PLAGL1: variants seen among roughly 807,000 people sequenced by gnomAD.
The protein encoded by PLAGL1 is PLAG1 like zinc finger 1.
A neutral mutation model predicts 4.6 loss-of-function variants in PLAGL1; 1 was observed. The ratio of observed to expected loss-of-function variants is 0.22; its 90% CI spans 0.08 to 1.03. The LOEUF (loss-of-function observed/expected upper bound fraction) is 1.03, where lower values mean the gene tolerates loss of function less well. PLAGL1 is among the 50% of genes least tolerant of loss of function. The pLI, the probability that PLAGL1 is intolerant of heterozygous loss-of-function variation, is 0.58. For synonymous variants in PLAGL1, 240 were observed against 237.8 expected, an observed-to-expected ratio of 1.01 and a Z score of -0.08; for missense variants, 464 against 570.4, an observed-to-expected ratio of 0.81 and a Z score of 1.90.
intron 7 of PLAGL1, among the ~76,000 whole-genome samples, chr6:143,946,047 G>GA (rs1427269924): frequency 2.0e-5 from 3 of 151,670 alleles, no homozygotes; most frequent in African/African-American, 7.3e-5. Context: ...GGAACATGCG[G>GA]GGTACTGATT....
intron 1 of PLAGL1, among the ~76,000 whole-genome samples, chr6:144,020,922 T>C (rs982921553): frequency 1.0e-4 from 15 of 147,272 alleles, no homozygotes; most frequent in African/African-American, 3.7e-4. Flanking sequence ...AATATAAAAC[T>C]ATAGATATAA....
Position 143,964,463 on chromosome 6 carries a change from G to C in PLAGL1, c.-399+324C>G, listed in dbSNP as rs1371118148. On this transcript the variant is annotated intron_variant, in intron 5 of 7. Transcript: ENST00000674357. This position sits in a 1 kb window ranked among gnomAD's most constrained non-coding sequence, Gnocchi z 4.3. The stretch of plus-strand genomic sequence containing the variant: ...GGGACTGGAGTCCGTTTTCATTATG[G>C]GGAATGAAAACAGTAATGCTTCTTG... 6.6e-6 allele frequency among the ~76,000 whole-genome samples: 1 copy of C among 152,154 alleles called. No individual in the cohort carries two copies. Among genetic ancestry groups the C allele is most frequent in the Non-Finnish European group, 1.5e-5 (1 of 68,026 alleles).
In PLAGL1 at chr6:143,955,406, T is replaced by C. The variant is rs1460163284; in HGVS notation, c.-325+5063A>G. ...ACTCTACAAGGGGAAGGTGGGCTTTTTTGTCATAAATTGTTTTTAGCAGAT... is the reference window on the plus strand; with the variant it reads ...ACTCTACAAGGGGAAGGTGGGCTTTCTTGTCATAAATTGTTTTTAGCAGAT... On this transcript the variant is annotated intron_variant, in intron 6 of 7. Coordinates refer to ENST00000674357, the MANE Select transcript of PLAGL1 (RefSeq NM_001317162.2). This position sits in a 1 kb window ranked among gnomAD's most constrained non-coding sequence, Gnocchi z 4.9. Among the ~76,000 whole-genome samples the C allele has an allele frequency of 2.0e-5, 3 of 152,108 alleles. No homozygotes were observed. The highest frequency in any genetic ancestry group is 4.1e-4 in the South Asian group (2 of 4,822).
intron 1 of PLAGL1, among the ~76,000 whole-genome samples, chr6:144,047,527 C>A (rs1450801177): frequency 6.6e-6 from 1 of 152,048 alleles, no homozygotes; most frequent in East Asian, 1.9e-4. Context: ...ACAATCATGG[C>A]AGAAGGGGAA....
In PLAGL1 at chr6:144,001,183, A is replaced by T. The variant is rs1005892269; in HGVS notation, c.-584+6907T>A. Among the ~76,000 whole-genome samples the T allele has an allele frequency of 2.4e-3, 370 of 152,188 alleles. 3 individuals carry two copies. Among genetic ancestry groups the T allele is most frequent in the African/African-American group, 8.5e-3 (354 of 41,584 alleles). Reference sequence around the variant, plus strand: ...GACAGTAAGGAAATGATAAAAAAAAAAAAATAAAAATTTTTAATGGGGACA... The same window carrying T: ...GACAGTAAGGAAATGATAAAAAAAATAAAATAAAAATTTTTAATGGGGACA... On this transcript the variant is annotated intron_variant, in intron 1 of 7. Coordinates refer to ENST00000674357, the MANE Select transcript of PLAGL1 (RefSeq NM_001317162.2).
rs1798723545 is a variant in PLAGL1 at position 144,053,413 on chromosome 6, C to T, written c.-151+11055G>A. On this transcript the variant is annotated intron_variant, in intron 1 of 3. Coordinates refer to the PLAGL1 transcript ENST00000437412. This position sits in a 1 kb window ranked among gnomAD's most constrained non-coding sequence, Gnocchi z 4.0. ...CCTCCCAAATTGCTGGTGTTACAGG[C>T]GTGAGCCACCACACCCGGCCTAATT... Among the ~76,000 whole-genome samples, 1 of 152,140 alleles carries T rather than the reference C, an allele frequency of 6.6e-6. No individual in the cohort carries two copies. The highest frequency in any genetic ancestry group is 2.1e-4 in the South Asian group (1 of 4,832).
At chr6:144,026,085 A>G (rs1796321554) in intron 1 of PLAGL1, among the ~76,000 whole-genome samples, 1 of 152,240 alleles carries the variant, frequency 6.6e-6, no homozygotes. Flanking sequence ...CCATTCATTC[A>G]TATATTCAAT....
Position 143,942,381 on chromosome 6 carries a change from C to T in PLAGL1, c.435G>A (p.Glu145=). 6.2e-7 allele frequency: 1 copy of T among 1,614,194 alleles called. No individual in the cohort carries two copies. The highest frequency in any genetic ancestry group is 8.5e-7 in the Non-Finnish European group (1 of 1,180,034). ...LLDHLKAHAE[E]KPPSGTKEKK... is the part of the protein sequence containing the mutation. ...TTTCCTTGGTTCCGCTAGGGGGCTT[C>T]TCTTCCGCATGGGCTTTGAGGTGGT... The change falls in exon 8 of 8, where the codon GAG becomes GAA. Residue 145 remains glutamate (E), a synonymous_variant. Transcript: ENST00000674357. This position sits in a 1 kb window ranked among gnomAD's most constrained non-coding sequence, Gnocchi z 7.6.
In PLAGL1 at chr6:143,978,897, G is replaced by A. The variant is rs1330419946; in HGVS notation, c.-544+6238C>T. On this transcript the variant is annotated intron_variant, in intron 2 of 7. Coordinates refer to ENST00000674357, the MANE Select transcript of PLAGL1 (RefSeq NM_001317162.2). The surrounding 1 kb of genome is among the most constrained non-coding windows in gnomAD (Gnocchi z 4.6). ...CTACTTGATCTATTATCTATTGAAG[G>A]AAGGGTGCTGAAATCTGACCACAAT... is the stretch of plus-strand genomic sequence containing the variant. Among the ~76,000 whole-genome samples the A allele has an allele frequency of 1.3e-5, 2 of 152,140 alleles. No individual in the cohort carries two copies. Among genetic ancestry groups the A allele is most frequent in the African/African-American group, 4.8e-5 (2 of 41,436 alleles).
At chr6:144,002,115 T>C (rs192973686) in intron 1 of PLAGL1, among the ~76,000 whole-genome samples, 41 of 152,284 alleles carry the variant, frequency 2.7e-4, no homozygotes, top group Admixed American at 1.6e-3. Flanking sequence ...ATGTAAGATG[T>C]TAACATGAGA....
rs758449950 is a variant in PLAGL1 at position 144,060,380 on chromosome 6, C to A, written c.-151+4088G>T. Among the ~76,000 whole-genome samples, 24 of 152,290 alleles carry A rather than the reference C, an allele frequency of 1.6e-4. 1 individual carries two copies. The highest frequency in any genetic ancestry group is 5.1e-4 in the African/African-American group (21 of 41,572). On this transcript the variant is annotated intron_variant, in intron 1 of 3. Transcript: ENST00000437412. ...CAGCATTTAGCATTTATATTTATTT[C>A]ACCTAGTTGGTTTCCTCATTGCTCC...
chr6:143,941,741 C>T lies in PLAGL1; in HGVS notation c.1075G>A (p.Val359Ile). The change falls in exon 8 of 8, where the codon GTA becomes ATA. Residue 359 changes from valine (V) to isoleucine (I), a missense_variant. This residue lies in a region of PLAGL1 where 248 missense variants were observed against 250.1 expected (regional missense o/e 0.99). Transcript: ENST00000674357. The surrounding 1 kb of genome is among the most constrained non-coding windows in gnomAD (Gnocchi z 6.0). ...GCAGGCAGCTCCTTGGGCAGGTTTA[C>T]TTTACCAGCATTTCCCTTAGCCAGA... ...FDLAKGNAGK[V>I]NLPKELPADA... 1 of 1,614,246 alleles carries T rather than the reference C, an allele frequency of 6.2e-7. No homozygotes were observed.
At position 143,966,963 on chromosome 6, in the gene PLAGL1, AG is replaced by A. The variant is rs772921919; in HGVS notation, c.-471-766del. 5.3e-5 allele frequency: 8 copies of A among 152,212 alleles called. No individual in the cohort carries two copies. The highest frequency in any genetic ancestry group is 2.6e-4 in the Admixed American group (4 of 15,284). The allele number at this position is 152,212 out of a possible 1,614,324, so 9.4% of individuals were successfully genotyped here. On this transcript the variant is annotated intron_variant, in intron 3 of 7. Coordinates refer to ENST00000674357, the MANE Select transcript of PLAGL1 (RefSeq NM_001317162.2). The surrounding 1 kb of genome is among the most constrained non-coding windows in gnomAD (Gnocchi z 6.0). Reference sequence around the variant, plus strand: ...TTTACTCTACCTCAGTCCACTATGCAGCATGCATACTCTACTTAATACTAGG... The same window carrying A: ...TTTACTCTACCTCAGTCCACTATGCACATGCATACTCTACTTAATACTAGG...
rs1041338647 is a variant in PLAGL1, at chr6:143,970,325, G to A, written c.-543-1347C>T. Among the ~76,000 whole-genome samples the A allele has an allele frequency of 1.3e-5, 2 of 152,144 alleles. No individual in the cohort carries two copies. The highest frequency in any genetic ancestry group is 2.9e-5 in the Non-Finnish European group (2 of 68,026). On this transcript the variant is annotated intron_variant, in intron 2 of 7. Transcript: ENST00000674357. This position sits in a 1 kb window ranked among gnomAD's most constrained non-coding sequence, Gnocchi z 5.8. ...CTCACTAAAGAAGGCAATATGTAATGTTGCAAAGTAAACATTTAAACTACT... is the reference window on the plus strand; with the variant it reads ...CTCACTAAAGAAGGCAATATGTAATATTGCAAAGTAAACATTTAAACTACT...
In PLAGL1 at chr6:143,983,759, G is replaced by A. The variant is rs1188977124; in HGVS notation, c.-544+1376C>T. Among the ~76,000 whole-genome samples the A allele has an allele frequency of 3.3e-4, 50 of 152,158 alleles. No homozygotes were observed. The highest frequency in any genetic ancestry group is 3.2e-3 in the Admixed American group (49 of 15,264). ...TGTAAAAGTTGTATGTCTAGGTGGA[G>A]TTAAAAATGTGTTGGAGTGGGAGGA... On this transcript the variant is annotated intron_variant, in intron 2 of 7. Coordinates refer to ENST00000674357, the MANE Select transcript of PLAGL1 (RefSeq NM_001317162.2). The surrounding 1 kb of genome is among the most constrained non-coding windows in gnomAD (Gnocchi z 6.6).
rs1782912942 is a variant in PLAGL1 at position 143,959,590 on chromosome 6, T to A, written c.-325+879A>T. On this transcript the variant is annotated intron_variant, in intron 6 of 7. Coordinates refer to ENST00000674357, the MANE Select transcript of PLAGL1 (RefSeq NM_001317162.2). The surrounding 1 kb of genome is among the most constrained non-coding windows in gnomAD (Gnocchi z 5.3). ...AATACTATTTAATAAACTATTTCAG[T>A]TGAGCTCATAAAGCTCTCTCATGCT... is the stretch of plus-strand genomic sequence containing the variant. 1.3e-5 allele frequency among the ~76,000 whole-genome samples: 2 copies of A among 152,260 alleles called. No individual in the cohort carries two copies. Among genetic ancestry groups the A allele is most frequent in the Admixed American group, 1.3e-4 (2 of 15,292 alleles).
At chr6:144,038,677 A>G (rs1204243672) in intron 1 of PLAGL1, among the ~76,000 whole-genome samples, 1 of 152,252 alleles carries the variant, frequency 6.6e-6, no homozygotes, top group East Asian at 1.9e-4. Context: ...GATACATGCT[A>G]CAACATGGGT....
chr6:143,948,058 A>T lies in PLAGL1; in HGVS notation c.79T>A (p.Ser27Thr), dbSNP rs1331771709. The T allele has an allele frequency of 2.2e-5, 36 of 1,613,858 alleles. No homozygotes were observed. Among genetic ancestry groups the T allele is most frequent in the Non-Finnish European group, 3.0e-5 (35 of 1,179,862 alleles). ...ACACACTTGTACGGCCGCTCCCTGG[A>T]GTGGGAATAATTGTGAATCGTGAAC... is the stretch of plus-strand genomic sequence containing the variant. ...EKFTIHNYSH[S>T]RERPYKCVQP... The change falls in exon 7 of 8, where the codon TCC (serine) becomes ACC (threonine). Residue 27 changes from serine (S) to threonine (T), a missense_variant. By Grantham distance (58) the Ser-to-Thr change is moderately conservative. Transcript: ENST00000674357. This position sits in a 1 kb window ranked among gnomAD's most constrained non-coding sequence, Gnocchi z 6.0.
chr6:143,959,091 C>G lies in PLAGL1; in HGVS notation c.-325+1378G>C, dbSNP rs1782794701. ...AGCTTTCATGTGCTGCTCTGCGCTC[C>G]CCGTCGCCCCGGAGGCCGGCACCTT... On this transcript the variant is annotated intron_variant, in intron 6 of 7. Coordinates refer to ENST00000674357, the MANE Select transcript of PLAGL1 (RefSeq NM_001317162.2). This position sits in a 1 kb window ranked among gnomAD's most constrained non-coding sequence, Gnocchi z 5.3. Among the ~76,000 whole-genome samples the G allele has an allele frequency of 6.6e-6, 1 of 152,234 alleles. No individual in the cohort carries two copies. Among genetic ancestry groups the G allele is most frequent in the African/African-American group, 2.4e-5 (1 of 41,466 alleles).
Sources: allele counts gnomAD v4.1 joint callset (sites outside exome capture counted in the v4.1 genomes callset), GRCh38; gene constraint gnomAD v4.1.1; regional missense constraint gnomAD v4.1.1; non-coding constraint Gnocchi (gnomAD v3.1); transcripts MANE v1.5; gene names NCBI Gene and HGNC (gene_info 2026-07-23, HGNC 2026-07-21).